Variants in CHIT1 observed in about 807,000 individuals in gnomAD.
CHIT1 encodes chitinase 1, also known as chitotriosidase-1.
Under a neutral mutation model 52.0 loss-of-function variants are expected in CHIT1, and 47 were observed. The ratio of observed to expected loss-of-function variants is 0.90; its 90% CI spans 0.71 to 1.15. The LOEUF (loss-of-function observed/expected upper bound fraction) is 1.15, where lower values mean the gene tolerates loss of function less well. Among genes scored for constraint, CHIT1 ranks in the 50% most tolerant of loss-of-function variants. The probability of loss-of-function intolerance (pLI) is 0.00; values close to 1 mark genes in which losing one functional copy is unlikely to be tolerated. For missense variants in CHIT1, 569 were observed against 583.0 expected (o/e 0.98, Z 0.25); for synonymous variants, 242 against 228.2 (o/e 1.06, Z -0.54).
At position 203,223,540 on chromosome 1, in the gene CHIT1, C is replaced by G. The variant is rs1052967197; in HGVS notation, c.435G>C (p.Gln145His). ...GCTCCTTGTCTACGGCAGGGCTCCCCTGGCTTCCTGGGTACTCCCAGTCAA... is the reference window on the plus strand; with the variant it reads ...GCTCCTTGTCTACGGCAGGGCTCCCGTGGCTTCCTGGGTACTCCCAGTCAA... ...LDLDWEYPGS[Q>H]GSPAVDKERF... The change falls in exon 5 of 11, where the codon CAG becomes CAC. Residue 145 changes from glutamine to histidine, a missense_variant. Coordinates refer to ENST00000367229, the MANE Select transcript of CHIT1 (RefSeq NM_003465.3). 5.6e-6 allele frequency: 9 copies of G among 1,614,130 alleles called. No individual in the cohort carries two copies. The African/African-American group carries it at 1.1e-4, about 19-fold the overall frequency.
chr1:203,217,885 A>G lies in CHIT1; in HGVS notation c.1030-20T>C, dbSNP rs577366461. ...GCTGACCTGTGCAGGGAGGGGATGC[A>G]GTGGAGGAGCCCGGGGAAGCCTGAC... is the stretch of plus-strand genomic sequence containing the variant. On this transcript the variant is annotated intron_variant, in intron 9 of 10. Coordinates refer to ENST00000367229, the MANE Select transcript of CHIT1 (RefSeq NM_003465.3). The G allele has an allele frequency of 2.0e-6, 3 of 1,499,890 alleles. No homozygotes were observed. The highest frequency in any genetic ancestry group is 1.4e-5 in the African/African-American group (1 of 73,874). 92.9% of individuals were successfully genotyped at this position (1,499,890 alleles called of 1,614,324 possible). A position where few individuals can be genotyped will look rare whatever the true frequency, so the allele number is the denominator to read the frequency against.
At chr1:203,218,237 G>A (rs1238816017) in intron 9 of CHIT1, 1 of 423,620 alleles carries the variant, frequency 2.4e-6, no homozygotes, top group Non-Finnish European at 3.5e-6. Flanking sequence ...GTCAAGGTAA[G>A]TCCAGTTACC....
At chr1:203,226,293 G>T (rs944183984) in intron 2 of CHIT1, among the ~76,000 whole-genome samples, 2 of 152,184 alleles carry the variant, frequency 1.3e-5, no homozygotes, top group African/African-American at 4.8e-5. Context: ...TGGCAGGCAG[G>T]TCTCCCTATC....
intron 4 of CHIT1, 139 bp downstream of exon 4, chr1:203,224,908 GC>G (rs1258567919): frequency 4.0e-6 from 3 of 757,592 alleles, no homozygotes; most frequent in Non-Finnish European, 6.9e-6. Context: ...AGGAAATTCA[GC>G]CCTCAGAGTT....
intron 9 of CHIT1, chr1:203,218,204 ATTG>A: frequency 1.1e-6 from 1 of 947,854 alleles, no homozygotes; most frequent in Non-Finnish European, 1.4e-6. Context: ...ATTTAAGGGT[ATTG>A]TATGCTGGTC....
chr1:203,225,870 C>A lies in CHIT1; in HGVS notation c.56G>T (p.Gly19Val), dbSNP rs758199528. ...GTAGCAGACCAGTTTTGCAGCAGAG[C>A]CTGGCCCGTTGGAGTAAAGAAAAGG... ...GFMVLLMIPW[G>V]SAAKLVCYFT... is the part of the protein sequence containing the mutation. The change falls in exon 3 of 11, where the codon GGC becomes GTC. Residue 19 changes from glycine to valine, a missense_variant and splice_region_variant. Coordinates refer to ENST00000367229, the MANE Select transcript of CHIT1 (RefSeq NM_003465.3). 19 of 1,614,024 alleles carry A rather than the reference C, an allele frequency of 1.2e-5. No individual in the cohort carries two copies. In the East Asian group the frequency reaches 2.9e-4, roughly 25 times the overall value.
intron 1 of CHIT1, 51 bp downstream of exon 1, chr1:203,229,561 T>C (rs1396778327): frequency 1.2e-6 from 2 of 1,607,200 alleles, no homozygotes; most frequent in African/African-American, 1.3e-5. Context: ...AACATCCACA[T>C]CCCCACCTCC....
intron 9 of CHIT1, 45 bp downstream of exon 9, chr1:203,219,171 C>G: frequency 1.0e-6 from 1 of 991,194 alleles, no homozygotes; most frequent in East Asian, 2.4e-5. Flanking sequence ...ATTGACAGGA[C>G]TTGTTCACTA....
At position 203,225,097 on chromosome 1, in the gene CHIT1, T is replaced by A; in HGVS notation, c.265A>T (p.Lys89Ter). 1 of 1,613,774 alleles carries A rather than the reference T, an allele frequency of 6.2e-7. No individual in the cohort carries two copies. The highest frequency in any genetic ancestry group is 8.5e-7 in the Non-Finnish European group (1 of 1,179,944). ...EFNGLKKMNPKLKTLLAIGGW... is the reference protein window; with the variant it reads ...EFNGLKKMNP ...CCGATGGCTAACAGGGTCTTCAGCT[T>A]GGGATTCCTGGGAAAGACAGGAGAC... is the stretch of plus-strand genomic sequence containing the variant. Residue 89 changes from lysine to a stop codon, truncating the protein, a stop_gained, in exon 4 of 11, where the codon AAG becomes TAG. Coordinates refer to ENST00000367229, the MANE Select transcript of CHIT1 (RefSeq NM_003465.3). LOFTEE classifies it high-confidence loss of function.
chr1:203,217,518 T>C (rs956259148), intron 10 of CHIT1: 7 of 1,105,154 alleles, frequency 6.3e-6, no homozygotes, highest in Non-Finnish European at 9.1e-6. Context: ...ACAACAACCC[T>C]GGGCAGGCAT....
intron 2 of CHIT1, among the ~76,000 whole-genome samples, chr1:203,226,490 A>C (rs974522246): frequency 1.3e-5 from 2 of 152,248 alleles, no homozygotes; most frequent in East Asian, 3.8e-4. Context: ...TAAGTAGCAG[A>C]GAGGAGGCCC....
chr1:203,223,178 G>T lies in CHIT1; in HGVS notation c.562C>A (p.Gln188Lys). 6.2e-7 allele frequency: 1 copy of T among 1,614,180 alleles called. No individual in the cohort carries two copies. Among genetic ancestry groups the T allele is most frequent in the East Asian group, 2.2e-5 (1 of 44,886 alleles). Residue 188 changes from glutamine to lysine, a missense_variant, in exon 6 of 11, where the codon CAG becomes AAG. Physicochemically the swap from Gln to Lys is moderately conservative, Grantham distance 53. Transcript: ENST00000367229. ...LLLSAAVPAG[Q>K]TYVDAGYEVD... is the part of the protein sequence containing the mutation. The stretch of plus-strand genomic sequence containing the variant: ...TCGTATCCAGCATCCACATAGGTCT[G>T]CCCAGCTGGAACCGCTGCACTCAGA...
chr1:203,229,016 T>C (rs910926177), intron 1 of CHIT1, among the ~76,000 whole-genome samples: 4 of 152,208 alleles, frequency 2.6e-5, no homozygotes, highest in African/African-American at 7.2e-5. Flanking sequence ...CGTTTATGGC[T>C]TCCTGTTGCC....
intron 10 of CHIT1, 53 bp from the exon 11 acceptor site, chr1:203,217,186 C>G (rs1331359347): frequency 1.3e-6 from 2 of 1,598,654 alleles, no homozygotes; most frequent in African/African-American, 2.7e-5. Context: ...ATCCCAAACC[C>G]ACAGGCAGAG....
At chr1:203,223,322 C>T (rs1656808282) in intron 5 of CHIT1, 63 bp from the exon 6 acceptor site, 3 of 1,556,502 alleles carry the variant, frequency 1.9e-6, no homozygotes, top group African/African-American at 3.4e-5. Context: ...CCCTGTGAGC[C>T]CCAGGTAGAT....
chr1:203,224,228 G>A lies in CHIT1; in HGVS notation c.315-568C>T, dbSNP rs186908560. Among the ~76,000 whole-genome samples, 138 of 152,184 alleles carry A rather than the reference G, an allele frequency of 9.1e-4. 1 individual carries two copies. Among genetic ancestry groups the A allele is most frequent in the African/African-American group, 3.2e-3 (134 of 41,504 alleles). ...TGTTGCTGTTACTAGTCCAGAGTTC[G>A]TCAAAATCCCCAAGCTGCCCCAAGA... is the stretch of plus-strand genomic sequence containing the variant. On this transcript the variant is annotated intron_variant, in intron 4 of 10. Transcript: ENST00000367229.
upstream of CHIT1, chr1:203,229,953 T>G (rs73068228): frequency 0.061 from 26,716 of 436,982 alleles, 1,069 homozygotes; most frequent in African/African-American, 0.13. Context: ...CTTTGTGTAG[T>G]TGGTGAGGAC....
chr1:203,217,522 C>A, intron 10 of CHIT1: 2 of 1,101,986 alleles, frequency 1.8e-6, no homozygotes, highest in South Asian at 1.4e-5. Context: ...CAACCCTGGG[C>A]AGGCATTGCT....
Position 203,222,211 on chromosome 1 carries a change from G to A in CHIT1, c.720C>T (p.Ser240=), listed in dbSNP as rs769867480. 7 of 1,614,074 alleles carry A rather than the reference G, an allele frequency of 4.3e-6. No homozygotes were observed. The Admixed American group carries it at 1.2e-4, about 27-fold the overall frequency. ...CTCCTGCCACACGTACCACGTTGAG[G>A]CTGGCTGCTGCACCACTCTCTTCTT... is the stretch of plus-strand genomic sequence containing the variant. ...KRQEESGAAA[S]LNVDAAVQQW... Residue 240 remains serine (S), a synonymous_variant, in exon 7 of 11, where the codon AGC becomes AGT. Transcript: ENST00000367229.
Sources: allele counts gnomAD v4.1 joint callset (sites outside exome capture counted in the v4.1 genomes callset), GRCh38; gene constraint gnomAD v4.1.1; transcripts MANE v1.5; gene names NCBI Gene and HGNC (gene_info 2026-07-23, HGNC 2026-07-21).